The following PDZRN4 variants were observed in gnomAD, a reference collection of about 807,000 sequenced individuals.
The protein encoded by PDZRN4 is PDZ domain-containing RING finger protein 4.
A neutral mutation model predicts 99.0 loss-of-function variants in PDZRN4; 70 were observed. That is an observed-to-expected ratio of 0.71 (90% CI 0.58 to 0.86). The LOEUF (loss-of-function observed/expected upper bound fraction) is 0.86, where lower values mean the gene tolerates loss of function less well. PDZRN4 is among the 40% of genes least tolerant of loss of function. The probability of loss-of-function intolerance (pLI) is 0.00; values close to 1 mark genes in which losing one functional copy is unlikely to be tolerated. For synonymous variants in PDZRN4, 551 were observed against 501.6 expected (o/e 1.10, Z -1.32); for missense variants, 1,474 against 1,331.2 (o/e 1.11, Z -1.67).
chr12:41,534,350 G>T (rs1199245549), intron 5 of PDZRN4, among the ~76,000 whole-genome samples: 1 of 151,930 alleles, frequency 6.6e-6, no homozygotes, highest in Non-Finnish European at 1.5e-5. Context: ...CATAGGTAAA[G>T]ATGTGTCATG....
intron 3 of PDZRN4, among the ~76,000 whole-genome samples, chr12:41,426,374 G>A (rs1272734661): frequency 2.6e-5 from 4 of 152,152 alleles, no homozygotes; most frequent in Non-Finnish European, 4.4e-5. Context: ...GGTAGGACAT[G>A]TCTGGTAAAC....
chr12:41,485,211 G>C (rs1324041679), intron 3 of PDZRN4, among the ~76,000 whole-genome samples: 4 of 152,178 alleles, frequency 2.6e-5, no homozygotes, highest in Non-Finnish European at 4.4e-5. Flanking sequence ...GAGGGAAAGG[G>C]AGGACTTTCA....
intron 3 of PDZRN4, among the ~76,000 whole-genome samples, chr12:41,432,612 C>A (rs935616105): frequency 2.6e-5 from 4 of 152,106 alleles, no homozygotes; most frequent in Non-Finnish European, 5.9e-5. Context: ...TCTTACATGT[C>A]TTATAGTCCA....
intron 3 of PDZRN4, among the ~76,000 whole-genome samples, chr12:41,300,622 C>T (rs1209217394): frequency 2.0e-5 from 3 of 151,930 alleles, no homozygotes; most frequent in Admixed American, 6.6e-5. Flanking sequence ...ACTCATTCGG[C>T]CTCAGGATAT....
intron 3 of PDZRN4, among the ~76,000 whole-genome samples, chr12:41,346,345 T>C (rs10880049): frequency 0.39 from 58,356 of 151,534 alleles, 11,278 homozygotes; most frequent in African/African-American, 0.41. Flanking sequence ...GCCTGTAGTC[T>C]CAGCTATTCG....
At chr12:41,487,046 A>G (rs1278414688) in intron 3 of PDZRN4, among the ~76,000 whole-genome samples, 1 of 152,084 alleles carries the variant, frequency 6.6e-6, no homozygotes. Flanking sequence ...TCCTGCCCCA[A>G]TTCTTCTCAT....
intron 3 of PDZRN4, among the ~76,000 whole-genome samples, chr12:41,257,298 A>G (rs1951210015): frequency 6.6e-6 from 1 of 152,168 alleles, no homozygotes; most frequent in Non-Finnish European, 1.5e-5. Flanking sequence ...CAGATTGCTG[A>G]CTTTTCATTG....
intron 3 of PDZRN4, among the ~76,000 whole-genome samples, chr12:41,303,848 T>G (rs1041387855): frequency 6.6e-6 from 1 of 152,218 alleles, no homozygotes; most frequent in Non-Finnish European, 1.5e-5. Flanking sequence ...TTATTGTCAC[T>G]CTGTGTGACT....
chr12:41,540,808 T>C (rs536931226), intron 5 of PDZRN4, among the ~76,000 whole-genome samples: 19 of 152,174 alleles, frequency 1.2e-4, no homozygotes, highest in Non-Finnish European at 2.2e-4. Context: ...AAATAAACTT[T>C]CCTACTTGCC....
intron 3 of PDZRN4, among the ~76,000 whole-genome samples, chr12:41,480,589 A>G (rs1937656669): frequency 6.6e-6 from 1 of 152,182 alleles, no homozygotes; most frequent in South Asian, 2.1e-4. Context: ...AGCTTGAAGG[A>G]ATATAATAAA....
At chr12:41,203,248 C>T (rs183497784) in intron 3 of PDZRN4, among the ~76,000 whole-genome samples, 15 of 151,982 alleles carry the variant, frequency 9.9e-5, no homozygotes, top group African/African-American at 2.9e-4. Context: ...ACAACAACAA[C>T]AAAAGGAACA....
chr12:41,270,274 GTCTGTGTGTGTGGTGTGTGTGTGTGTC>G (rs1800231546), intron 3 of PDZRN4, among the ~76,000 whole-genome samples: 1 of 129,232 alleles, frequency 7.7e-6, no homozygotes, highest in African/African-American at 2.9e-5. Context: ...GTGTGTGTGT[GTCTGTGTGTGTGGTGTGTGTGTGTGTC>G]TGTGTGTGTG....
Position 41,198,037 on chromosome 12 carries a change from C to T in PDZRN4, c.843+3849C>T, listed in dbSNP as rs1400136682. On this transcript the variant is annotated intron_variant, in intron 3 of 9. Transcript: ENST00000402685. ...TCAAGGTATCCTCCAGCCTAAGCCTCCCAAGTAGCTGGGACTACAGGTGCA... is the reference window on the plus strand; with the variant it reads ...TCAAGGTATCCTCCAGCCTAAGCCTTCCAAGTAGCTGGGACTACAGGTGCA... Among the ~76,000 whole-genome samples the T allele has an allele frequency of 9.3e-5, 14 of 150,732 alleles. No individual in the cohort carries two copies. The Admixed American group carries it at 9.3e-4, about 10-fold the overall frequency.
At chr12:41,330,206 A>C (rs532910179) in intron 3 of PDZRN4, among the ~76,000 whole-genome samples, 18 of 152,208 alleles carry the variant, frequency 1.2e-4, no homozygotes, top group African/African-American at 4.1e-4. Flanking sequence ...TTTCTGATAA[A>C]ATCTGAATGA....
chr12:41,432,284 T>G (rs1180400346), intron 3 of PDZRN4, among the ~76,000 whole-genome samples: 1 of 152,232 alleles, frequency 6.6e-6, no homozygotes, highest in Non-Finnish European at 1.5e-5. Flanking sequence ...ACTTTCAAAT[T>G]TATGTTTATG....
At chr12:41,344,409 C>T (rs921638267) in intron 3 of PDZRN4, among the ~76,000 whole-genome samples, 1 of 151,986 alleles carries the variant, frequency 6.6e-6, no homozygotes, top group Non-Finnish European at 1.5e-5. Flanking sequence ...CTTAGACAAG[C>T]TCAGGTAGAT....
intron 3 of PDZRN4, among the ~76,000 whole-genome samples, chr12:41,435,280 T>A (rs1952618517): frequency 6.6e-6 from 1 of 152,240 alleles, no homozygotes; most frequent in Admixed American, 6.5e-5. Context: ...TTTTTAAAGC[T>A]ATGATTGTTT....
chr12:41,497,005 G>A (rs532244464), intron 3 of PDZRN4, among the ~76,000 whole-genome samples: 3 of 152,144 alleles, frequency 2.0e-5, no homozygotes, highest in African/African-American at 7.2e-5. Flanking sequence ...ACGCCCTGTT[G>A]TTGTAATTCA....
At chr12:41,507,967 G>C (rs1938237022) in intron 4 of PDZRN4, among the ~76,000 whole-genome samples, 3 of 152,074 alleles carry the variant, frequency 2.0e-5, no homozygotes, top group Non-Finnish European at 4.4e-5. Context: ...CATTAATACA[G>C]CCTAAAACAT....
Sources: gnomAD v4.1 joint callset for allele counts (sites outside exome capture counted in the v4.1 genomes callset) on GRCh38, gnomAD v4.1.1 for gene constraint, MANE v1.5 for transcripts, NCBI Gene and HGNC (gene_info 2026-07-23, HGNC 2026-07-21) for gene names.